STPG2: variants seen among roughly 807,000 people sequenced by gnomAD.
STPG2 encodes sperm tail PG-rich repeat containing 2, also known as sperm-tail PG-rich repeat-containing protein 2.
A neutral mutation model predicts 54.2 loss-of-function variants in STPG2; 56 were observed. The ratio of observed to expected loss-of-function variants is 1.03; its 90% CI spans 0.83 to 1.29. The LOEUF is 1.29. STPG2 is among the 50% of genes most tolerant of loss of function. The pLI is 0.00. For synonymous variants in STPG2, 200 were observed against 181.8 expected (o/e 1.10, Z -0.81); for missense variants, 596 against 544.9 (o/e 1.09, Z -0.93).
chr4:97,793,466 A>T (rs1023559647), intron 9 of STPG2, among the ~76,000 whole-genome samples: 1 of 151,970 alleles, frequency 6.6e-6, no homozygotes, highest in Non-Finnish European at 1.5e-5. Context: ...GTATATTTAC[A>T]TGCACTTACA....
At chr4:97,922,209 T>C (rs899686731) in intron 8 of STPG2, among the ~76,000 whole-genome samples, 3 of 152,196 alleles carry the variant, frequency 2.0e-5, no homozygotes, top group Non-Finnish European at 4.4e-5. Flanking sequence ...TAATTAGTTT[T>C]ATTACATCAT....
intron 10 of STPG2, among the ~76,000 whole-genome samples, chr4:97,694,842 A>C (rs1723513733): frequency 1.4e-5 from 2 of 145,854 alleles, no homozygotes; most frequent in African/African-American, 5.2e-5. Context: ...AAAAAAAAAA[A>C]AAAAAAAAAT....
rs138744307 is a variant in STPG2, at chr4:97,479,800, G to A, written c.462+232899C>T. On this transcript the variant is annotated intron_variant, in intron 4 of 4. Coordinates refer to the STPG2 transcript ENST00000522676. ...ACTAGGCAAAATATATGAAACAATT[G>A]TCTTCAGCTATTGAACAACAGAAGG... Among the ~76,000 whole-genome samples the A allele has an allele frequency of 6.1e-3, 923 of 151,892 alleles. 5 individuals carry two copies. The highest frequency in any genetic ancestry group is 0.021 in the African/African-American group (869 of 41,514).
chr4:97,446,625 G>A (rs538803409), intron 4 of STPG2, among the ~76,000 whole-genome samples: 3 of 152,152 alleles, frequency 2.0e-5, no homozygotes, highest in South Asian at 2.1e-4. Flanking sequence ...TGATGGGTAC[G>A]GTTTCCCCTG....
chr4:97,522,980 T>G, intron 4 of STPG2, among the ~76,000 whole-genome samples: 1 of 151,998 alleles, frequency 6.6e-6, no homozygotes, highest in Non-Finnish European at 1.5e-5. Flanking sequence ...CCTAAGACAT[T>G]TGTCACATGT....
chr4:97,618,980 C>T (rs556436575), intron 10 of STPG2, among the ~76,000 whole-genome samples: 1 of 152,238 alleles, frequency 6.6e-6, no homozygotes, highest in South Asian at 2.1e-4. Context: ...TTACAAACAT[C>T]AGTTCAAAAG....
intron 5 of STPG2, among the ~76,000 whole-genome samples, chr4:98,008,573 CTCACAGGTTTTATAAAACA>C (rs1735645241): frequency 3.2e-5 from 1 of 31,702 alleles, no homozygotes; most frequent in Non-Finnish European, 8.0e-5. Context: ...TTTATAAAAA[CTCACAGGTTTTATAAAACA>C]CTAGACAAAG....
At chr4:97,787,953 A>G (rs539155015) in intron 9 of STPG2, among the ~76,000 whole-genome samples, 2 of 151,786 alleles carry the variant, frequency 1.3e-5, no homozygotes, top group Non-Finnish European at 2.9e-5. Context: ...TTCTGGGTAC[A>G]TAGTAGGTGT....
At chr4:97,970,976 C>G (rs1734304704) in intron 7 of STPG2, among the ~76,000 whole-genome samples, 2 of 151,948 alleles carry the variant, frequency 1.3e-5, no homozygotes, top group Admixed American at 1.3e-4. Context: ...AAAAAACAAC[C>G]CCAGCAAAAA....
chr4:97,931,117 T>A (rs922630924), intron 8 of STPG2, among the ~76,000 whole-genome samples: 1 of 152,242 alleles, frequency 6.6e-6, no homozygotes, highest in Non-Finnish European at 1.5e-5. Context: ...TATAGGATCA[T>A]GTCATCTGCA....
chr4:98,013,199 T>C (rs1441691987), intron 5 of STPG2, among the ~76,000 whole-genome samples: 2 of 152,212 alleles, frequency 1.3e-5, no homozygotes, highest in African/African-American at 4.8e-5. Flanking sequence ...TCTGCATCTA[T>C]TGAGATAATC....
intron 9 of STPG2, among the ~76,000 whole-genome samples, chr4:97,794,181 C>T (rs1279392440): frequency 6.6e-6 from 1 of 151,966 alleles, no homozygotes; most frequent in Non-Finnish European, 1.5e-5. Flanking sequence ...TATAATTTTT[C>T]TTTATGTGTA....
chr4:97,822,809 A>AC (rs1728129667), intron 9 of STPG2, among the ~76,000 whole-genome samples: 1 of 152,152 alleles, frequency 6.6e-6, no homozygotes, highest in Non-Finnish European at 1.5e-5. Flanking sequence ...TGACGGCTCT[A>AC]CCCCCATGAC....
chr4:97,495,994 TAAAC>T lies in STPG2; in HGVS notation c.462+216701_462+216704del, dbSNP rs1052117103. 1.1e-4 allele frequency among the ~76,000 whole-genome samples: 16 copies of T among 151,682 alleles called. No individual in the cohort carries two copies. The East Asian group carries it at 1.4e-3, about 13-fold the overall frequency. On this transcript the variant is annotated intron_variant, in intron 4 of 4. Transcript: ENST00000522676. ...GTGCTTCCAAGTTTCATGAGTACAT[TAAAC>T]AAATACTCCAAAATGATTTACACAC...
At chr4:97,619,986 G>A (rs1330115513) in intron 10 of STPG2, among the ~76,000 whole-genome samples, 1 of 151,908 alleles carries the variant, frequency 6.6e-6, no homozygotes, top group African/African-American at 2.4e-5. Flanking sequence ...ATCATGCCTG[G>A]CTAATTTTTT....
intron 10 of STPG2, among the ~76,000 whole-genome samples, chr4:97,634,958 G>A (rs1426235920): frequency 6.6e-6 from 1 of 152,140 alleles, no homozygotes; most frequent in Non-Finnish European, 1.5e-5. Context: ...TACCAAGGCA[G>A]GCCAATGTTC....
At chr4:97,529,115 G>A (rs1305909298) in intron 4 of STPG2, among the ~76,000 whole-genome samples, 2 of 152,124 alleles carry the variant, frequency 1.3e-5, no homozygotes, top group African/African-American at 4.8e-5. Context: ...TATTGGCTAT[G>A]GGTTTGTCAT....
chr4:97,539,896 G>C (rs1731649800), intron 4 of STPG2, among the ~76,000 whole-genome samples: 4 of 152,174 alleles, frequency 2.6e-5, no homozygotes, highest in Admixed American at 6.5e-5. Context: ...ATAACGAAAT[G>C]AAGGCAGAAA....
At chr4:97,867,001 A>G (rs955169251) in intron 8 of STPG2, among the ~76,000 whole-genome samples, 3 of 151,926 alleles carry the variant, frequency 2.0e-5, no homozygotes, top group African/African-American at 7.2e-5. Context: ...CAGTTAAACA[A>G]GTAAATAATT....
Sources: allele counts gnomAD v4.1 joint callset (sites outside exome capture counted in the v4.1 genomes callset), GRCh38; gene constraint gnomAD v4.1.1; transcripts MANE v1.5; gene names NCBI Gene and HGNC (gene_info 2026-07-23, HGNC 2026-07-21).